Variants in TAFA3 observed in about 807,000 individuals in gnomAD.
TAFA3 encodes the protein chemokine-like protein TAFA-3.
Under a neutral mutation model 20.7 loss-of-function variants are expected in TAFA3, and 17 were observed. That is an observed-to-expected ratio of 0.82 (90% CI 0.56 to 1.23). The LOEUF is 1.23. Among genes scored for constraint, TAFA3 ranks in the 50% most tolerant of loss-of-function variants. TAFA3 has a pLI of 0.00. For synonymous variants in TAFA3, 74 were observed against 71.8 expected (o/e 1.03, Z -0.16); for missense variants, 174 against 172.8 (o/e 1.01, Z -0.04).
chr1:112,724,816 CAAAAAAAAAAAAAAA>C, intron 5 of TAFA3, among the ~76,000 whole-genome samples: 1 of 22,654 alleles, frequency 4.4e-5, no homozygotes, highest in Non-Finnish European at 6.9e-5. Flanking sequence ...ATTAGAGCAG[CAAAAAAAAAAAAAAA>C]AAAAAAAAAG....
At position 112,722,356 on chromosome 1, in the gene TAFA3, G is replaced by C; in HGVS notation, c.115+8G>C. Reference sequence around the variant, plus strand: ...AGCCTCCCACTGCCACAGGTTTGGAGGAGGTGGCAGGGCCCGGGGAGGGAG... The same window carrying C: ...AGCCTCCCACTGCCACAGGTTTGGACGAGGTGGCAGGGCCCGGGGAGGGAG... On this transcript the variant is annotated splice_region_variant and intron_variant, in intron 3 of 5. Transcript: ENST00000361886. 3 of 1,611,058 alleles carry C rather than the reference G, an allele frequency of 1.9e-6. No homozygotes were observed. The highest frequency in any genetic ancestry group is 2.5e-6 in the Non-Finnish European group (3 of 1,178,712).
Position 112,726,485 on chromosome 1 carries a change from T to C in TAFA3, c.391-144T>C, listed in dbSNP as rs1675474226. On this transcript the variant is annotated intron_variant, in intron 5 of 5. Coordinates refer to ENST00000361886, the MANE Select transcript of TAFA3 (RefSeq NM_182759.3). ...TATGTTTGCATGGGTCACCAGGCCA[T>C]GCTTTCCCATTCCGGCCTGCTTTAG... 10 of 799,646 alleles carry C rather than the reference T, an allele frequency of 1.3e-5. No individual in the cohort carries two copies. The Admixed American group carries it at 2.1e-4, about 17-fold the overall frequency. 49.5% of individuals were successfully genotyped at this position (799,646 alleles called of 1,614,324 possible).
chr1:112,726,575 T>C (rs915723158), intron 5 of TAFA3, 54 bp from the exon 6 acceptor site: 1 of 1,591,884 alleles, frequency 6.3e-7, no homozygotes, highest in Non-Finnish European at 8.6e-7. Context: ...TCTGGCATGC[T>C]GGAATGGAAT....
intron 4 of TAFA3, among the ~76,000 whole-genome samples, chr1:112,723,625 C>T (rs1159557533): frequency 1.3e-5 from 2 of 152,078 alleles, no homozygotes; most frequent in Non-Finnish European, 2.9e-5. Context: ...CTGTGTCACG[C>T]GCATACCAGC....
chr1:112,723,500 C>A (rs6698236), intron 4 of TAFA3, among the ~76,000 whole-genome samples: 7 of 151,874 alleles, frequency 4.6e-5, no homozygotes, highest in Non-Finnish European at 7.4e-5. Flanking sequence ...CTGTCTCAGC[C>A]TACTCTCCTC....
chr1:112,722,610 G>A (rs560187477), intron 3 of TAFA3, among the ~76,000 whole-genome samples: 1 of 152,220 alleles, frequency 6.6e-6, no homozygotes, highest in South Asian at 2.1e-4. Context: ...AGAGGCCCTC[G>A]GGTGAGGGCT....
At chr1:112,724,639 T>TG (rs1289749872) in intron 5 of TAFA3, among the ~76,000 whole-genome samples, 1 of 12,378 alleles carries the variant, frequency 8.1e-5, no homozygotes, top group Non-Finnish European at 1.4e-4. Flanking sequence ...TGTGGTGGGG[T>TG]GGGGGGAGGG....
intron 4 of TAFA3, among the ~76,000 whole-genome samples, chr1:112,723,451 A>G (rs1675381397): frequency 6.6e-6 from 1 of 151,724 alleles, no homozygotes; most frequent in African/African-American, 2.4e-5. Flanking sequence ...CTCCCCACAC[A>G]CTTCCTCCAG....
intron 1 of TAFA3, among the ~76,000 whole-genome samples, chr1:112,719,919 C>G (rs1675288001): frequency 6.6e-6 from 1 of 152,192 alleles, no homozygotes; most frequent in South Asian, 2.1e-4. Flanking sequence ...TCAGGGGTCT[C>G]TGTCCTTCCG....
intron 2 of TAFA3, 90 bp from the exon 3 acceptor site, chr1:112,722,143 C>A: frequency 7.4e-7 from 1 of 1,351,182 alleles, no homozygotes; most frequent in Non-Finnish European, 1.0e-6. Flanking sequence ...CATCTTTGTG[C>A]CTCCCAGAGT....
chr1:112,725,715 G>A (rs1463129699), intron 5 of TAFA3, among the ~76,000 whole-genome samples: 3 of 152,164 alleles, frequency 2.0e-5, no homozygotes, highest in Non-Finnish European at 4.4e-5. Flanking sequence ...TGTGTGTCAT[G>A]GCTAATCAGC....
chr1:112,718,968 G>GGCGGCGGTT lies in TAFA3; in HGVS notation c.-383_-375dup, dbSNP rs1218867926. The stretch of plus-strand genomic sequence containing the variant: ...GAGGAGCGGGGGTAGCCCGGGGCGA[G>GGCGGCGGTT]GCGGCGGTTGCGGCGGCGGCTGCGC... On this transcript the variant is annotated 5_prime_UTR_variant, in exon 1 of 6. Coordinates refer to ENST00000361886, the MANE Select transcript of TAFA3 (RefSeq NM_182759.3). Among the ~76,000 whole-genome samples, 2 of 152,172 alleles carry GGCGGCGGTT rather than the reference G, an allele frequency of 1.3e-5. No individual in the cohort carries two copies. Among genetic ancestry groups the GGCGGCGGTT allele is most frequent in the Admixed American group, 1.3e-4 (2 of 15,284 alleles).
chr1:112,725,405 A>ACC (rs1553192310), intron 5 of TAFA3, among the ~76,000 whole-genome samples: 1 of 141,408 alleles, frequency 7.1e-6, no homozygotes, highest in African/African-American at 2.9e-5. Flanking sequence ...TAAAAAAAAA[A>ACC]AAAAAAAAAA....
intron 3 of TAFA3, 80 bp from the exon 4 acceptor site, chr1:112,722,936 G>A (rs1675363705): frequency 1.3e-6 from 2 of 1,510,440 alleles, no homozygotes; most frequent in Non-Finnish European, 1.8e-6. Context: ...CAGGGAGGAG[G>A]GGCTGGAGGC....
chr1:112,723,626 G>T (rs540454087), intron 4 of TAFA3, among the ~76,000 whole-genome samples: 2 of 151,988 alleles, frequency 1.3e-5, no homozygotes, highest in African/African-American at 2.4e-5. Flanking sequence ...TGTGTCACGC[G>T]CATACCAGCT....
At chr1:112,721,660 T>C (rs974346902) in intron 2 of TAFA3, among the ~76,000 whole-genome samples, 1 of 152,136 alleles carries the variant, frequency 6.6e-6, no homozygotes, top group Non-Finnish European at 1.5e-5. Context: ...TTGCTTTTTT[T>C]CCCCCTTAAC....
chr1:112,722,440 C>A, intron 3 of TAFA3, 92 bp downstream of exon 3: 1 of 1,089,982 alleles, frequency 9.2e-7, no homozygotes. Flanking sequence ...GCAGGCAGGT[C>A]TCCCAGGCAG....
chr1:112,724,682 C>T (rs575949615), intron 5 of TAFA3, among the ~76,000 whole-genome samples: 140 of 146,916 alleles, frequency 9.5e-4, no homozygotes, highest in African/African-American at 3.4e-3. Flanking sequence ...ATACCTAATG[C>T]TAGATGACGA....
intron 4 of TAFA3, 99 bp downstream of exon 4, chr1:112,723,264 C>A: frequency 7.0e-7 from 1 of 1,428,578 alleles, no homozygotes; most frequent in Non-Finnish European, 9.3e-7. Context: ...TCATACCCGT[C>A]TCAGGGCTTT....
Sources: allele counts gnomAD v4.1 joint callset (sites outside exome capture counted in the v4.1 genomes callset), GRCh38; gene constraint gnomAD v4.1.1; transcripts MANE v1.5; gene names NCBI Gene and HGNC (gene_info 2026-07-23, HGNC 2026-07-21).